Variants in ST8SIA2 observed in about 807,000 individuals in gnomAD.
ST8SIA2 encodes ST8 alpha-N-acetyl-neuraminide alpha-2,8-sialyltransferase 2.
Under a neutral mutation model 37.6 loss-of-function variants are expected in ST8SIA2, and 22 were observed. That is an observed-to-expected ratio of 0.58 (90% CI 0.42 to 0.83). The LOEUF (loss-of-function observed/expected upper bound fraction) is 0.83, where lower values mean the gene tolerates loss of function less well. Among genes scored for constraint, ST8SIA2 ranks in the 40% least tolerant of loss-of-function variants. The probability of loss-of-function intolerance (pLI) is 0.00; values close to 1 mark genes in which losing one functional copy is unlikely to be tolerated. For missense variants in ST8SIA2, 382 were observed against 484.7 expected (o/e 0.79, Z 1.99); for synonymous variants, 205 against 201.2 (o/e 1.02, Z -0.16).
Position 92,463,722 on chromosome 15 carries a change from TA to T in ST8SIA2, c.843-377del, listed in dbSNP as rs555130187. On this transcript the variant is annotated intron_variant, in intron 5 of 5. Coordinates refer to ENST00000268164, the MANE Select transcript of ST8SIA2 (RefSeq NM_006011.4). Reference sequence around the variant, plus strand: ...CAAAACTATTGATCATCTAGCCCCTTACAGAAAAAGGTTGCCAGCTCCTGCT... The same window carrying T: ...CAAAACTATTGATCATCTAGCCCCTTCAGAAAAAGGTTGCCAGCTCCTGCT... 1.4e-4 allele frequency among the ~76,000 whole-genome samples: 22 copies of T among 152,324 alleles called. 1 individual carries two copies. In the South Asian group the frequency reaches 4.6e-3, roughly 32 times the overall value.
chr15:92,425,013 T>G lies in ST8SIA2; in HGVS notation c.99-5036T>G, dbSNP rs1342733954. Among the ~76,000 whole-genome samples the G allele has an allele frequency of 3.9e-5, 6 of 152,324 alleles. No homozygotes were observed. In the East Asian group the frequency reaches 1.2e-3, roughly 29 times the overall value. On this transcript the variant is annotated intron_variant, in intron 1 of 5. Coordinates refer to ENST00000268164, the MANE Select transcript of ST8SIA2 (RefSeq NM_006011.4). ...CCTTATTCTATAGAGTTCTTTATAG[T>G]GTGCAAAAAGTATCCCCATATGTTT... is the stretch of plus-strand genomic sequence containing the variant.
intron 1 of ST8SIA2, among the ~76,000 whole-genome samples, chr15:92,417,131 C>T (rs557548260): frequency 3.3e-5 from 5 of 152,330 alleles, no homozygotes; most frequent in African/African-American, 9.6e-5. Context: ...GCAGGAACCC[C>T]AATTGACAGA....
intron 5 of ST8SIA2, among the ~76,000 whole-genome samples, chr15:92,448,682 G>C (rs2049860311): frequency 6.6e-6 from 1 of 152,190 alleles, no homozygotes; most frequent in East Asian, 1.9e-4. Context: ...GCCACTTGGA[G>C]AGCTACAATG....
intron 1 of ST8SIA2, among the ~76,000 whole-genome samples, chr15:92,405,638 A>G (rs2049503171): frequency 6.6e-6 from 1 of 152,246 alleles, no homozygotes; most frequent in Non-Finnish European, 1.5e-5. Flanking sequence ...TAAAAATAAT[A>G]CAGGACCAAA....
At chr15:92,429,168 A>G (rs2049696890) in intron 1 of ST8SIA2, among the ~76,000 whole-genome samples, 1 of 152,230 alleles carries the variant, frequency 6.6e-6, no homozygotes, top group Non-Finnish European at 1.5e-5. Flanking sequence ...TTAAAAACTG[A>G]GAAAAGCACC....
chr15:92,450,700 C>A (rs566544638), intron 5 of ST8SIA2, among the ~76,000 whole-genome samples: 1 of 152,274 alleles, frequency 6.6e-6, no homozygotes, highest in African/African-American at 2.4e-5. Context: ...AGAAACTGTC[C>A]CTGATGATCT....
Position 92,464,675 on chromosome 15 carries a change from C to G in ST8SIA2, c.*290C>G, listed in dbSNP as rs987355768. On this transcript the variant is annotated 3_prime_UTR_variant, in exon 6 of 6. Transcript: ENST00000268164. ...CAATCCATCTTTGGGGGTGGAAGGACTTGACATGAAAAGAAGCCAGTCCCA... is the reference window on the plus strand; with the variant it reads ...CAATCCATCTTTGGGGGTGGAAGGAGTTGACATGAAAAGAAGCCAGTCCCA... The G allele has an allele frequency of 6.9e-6, 3 of 437,808 alleles. No individual in the cohort carries two copies. Among genetic ancestry groups the G allele is most frequent in the Non-Finnish European group, 1.2e-5 (3 of 242,006 alleles). 27.1% of individuals were successfully genotyped at this position (437,808 alleles called of 1,614,324 possible). A position where few individuals can be genotyped will look rare whatever the true frequency, so the allele number is the denominator to read the frequency against.
chr15:92,419,575 A>G (rs1390268011), intron 1 of ST8SIA2, among the ~76,000 whole-genome samples: 1 of 152,132 alleles, frequency 6.6e-6, no homozygotes, highest in African/African-American at 2.4e-5. Context: ...GTGGCTGAAT[A>G]TAGGGGGCAC....
chr15:92,452,819 T>C (rs532829861), intron 5 of ST8SIA2, among the ~76,000 whole-genome samples: 2 of 152,310 alleles, frequency 1.3e-5, no homozygotes, highest in African/African-American at 4.8e-5. Context: ...TATTTTCCTC[T>C]CCTTTCTACT....
chr15:92,394,351 G>A (rs1367046657), intron 1 of ST8SIA2, among the ~76,000 whole-genome samples, 189 bp downstream of exon 1: 1 of 152,118 alleles, frequency 6.6e-6, no homozygotes, highest in African/African-American at 2.4e-5. Flanking sequence ...GAGGGTGGGG[G>A]CGCGGCTGCT....
chr15:92,426,950 C>T (rs766608217), intron 1 of ST8SIA2, among the ~76,000 whole-genome samples: 1 of 151,782 alleles, frequency 6.6e-6, no homozygotes, highest in Non-Finnish European at 1.5e-5. Context: ...AAAAATTAGC[C>T]GGGCGTGATG....
rs561412849 is a variant in ST8SIA2 at position 92,435,510 on chromosome 15, G to A, written c.290+1135G>A. 1.2e-4 allele frequency among the ~76,000 whole-genome samples: 18 copies of A among 152,244 alleles called. No individual in the cohort carries two copies. In the South Asian group the frequency reaches 3.7e-3, roughly 32 times the overall value. On this transcript the variant is annotated intron_variant, in intron 3 of 5. Transcript: ENST00000268164. ...GATGACCATCCCAGGCCATACCATG[G>A]GGAGAGAGGAGAGCAGCCATCAGCA... is the stretch of plus-strand genomic sequence containing the variant.
intron 1 of ST8SIA2, among the ~76,000 whole-genome samples, chr15:92,406,008 G>T (rs2141803676): frequency 6.6e-6 from 1 of 152,242 alleles, no homozygotes; most frequent in South Asian, 2.1e-4. Flanking sequence ...CCTGCCTACG[G>T]GTGGCCTCTA....
chr15:92,447,018 G>A (rs2049847605), intron 5 of ST8SIA2, among the ~76,000 whole-genome samples: 1 of 152,144 alleles, frequency 6.6e-6, no homozygotes. Flanking sequence ...GACCTGAGTT[G>A]TGTCTTTAAA....
In ST8SIA2 at chr15:92,411,368, G is replaced by A. The variant is rs372430415; in HGVS notation, c.98+17206G>A. Among the ~76,000 whole-genome samples, 53 of 152,126 alleles carry A rather than the reference G, an allele frequency of 3.5e-4. 1 individual carries two copies. In the East Asian group the frequency reaches 6.4e-3, roughly 18 times the overall value. On this transcript the variant is annotated intron_variant, in intron 1 of 5. Coordinates refer to ENST00000268164, the MANE Select transcript of ST8SIA2 (RefSeq NM_006011.4). ...ATGGGAGTAGCATTGAGGGTCGGGC[G>A]GGGGTGTTGAAAAGGAAGAGGGAGT...
chr15:92,394,287 G>A (rs758992332), intron 1 of ST8SIA2, 125 bp downstream of exon 1: 227 of 909,668 alleles, frequency 2.5e-4, no homozygotes, highest in Non-Finnish European at 3.7e-4. Context: ...GGAGAGATGG[G>A]GACGGTTTGG....
At chr15:92,459,599 T>C (rs1417569711) in intron 5 of ST8SIA2, among the ~76,000 whole-genome samples, 4 of 151,998 alleles carry the variant, frequency 2.6e-5, no homozygotes, top group African/African-American at 9.7e-5. Flanking sequence ...TCACATGGTG[T>C]TGTTTTGTTT....
At chr15:92,420,858 G>T in intron 1 of ST8SIA2, 1 of 152,356 alleles carries the variant, frequency 6.6e-6, no homozygotes. Flanking sequence ...GTATCTATGA[G>T]GTTCAAGAGC....
chr15:92,443,882 G>A (rs898211547), intron 4 of ST8SIA2, among the ~76,000 whole-genome samples: 2 of 152,112 alleles, frequency 1.3e-5, no homozygotes, highest in African/African-American at 4.8e-5. Flanking sequence ...AGAATCTCCA[G>A]CCGAGGAACC....
Sources: gnomAD v4.1 joint callset for allele counts (sites outside exome capture counted in the v4.1 genomes callset) on GRCh38, gnomAD v4.1.1 for gene constraint, MANE v1.5 for transcripts, NCBI Gene and HGNC (gene_info 2026-07-23, HGNC 2026-07-21) for gene names.